The following MAGI2 variants were observed in gnomAD, a reference collection of about 807,000 sequenced individuals.
MAGI2 encodes membrane-associated guanylate kinase, WW and PDZ domain-containing protein 2.
In MAGI2, 35 loss-of-function variants were observed where a neutral mutation model predicts 133.3. The ratio of observed to expected loss-of-function variants is 0.26; its 90% CI spans 0.20 to 0.35. The LOEUF (loss-of-function observed/expected upper bound fraction) is 0.35. Among genes scored for constraint, MAGI2 ranks in the 10% least tolerant of loss-of-function variants. The pLI, the probability that MAGI2 is intolerant of heterozygous loss-of-function variation, is 1.00. For synonymous variants in MAGI2, 729 were observed against 710.6 expected, an observed-to-expected ratio of 1.03 and a Z score of -0.41; for missense variants, 1,636 against 1,863.4, an observed-to-expected ratio of 0.88 and a Z score of 2.25.
chr7:78,301,945 G>A (rs1797866745), intron 9 of MAGI2, among the ~76,000 whole-genome samples: 1 of 152,226 alleles, frequency 6.6e-6, no homozygotes, highest in African/African-American at 2.4e-5. Context: ...ATAACAGCAT[G>A]CCTATTGAAA....
At chr7:79,216,228 T>C (rs1022707633) in intron 1 of MAGI2, among the ~76,000 whole-genome samples, 1 of 151,842 alleles carries the variant, frequency 6.6e-6, no homozygotes, top group Non-Finnish European at 1.5e-5. Context: ...AAGGAGATTA[T>C]CCACTGGATG....
At position 78,501,604 on chromosome 7, in the gene MAGI2, G is replaced by A. The variant is rs769932767; in HGVS notation, c.938C>T (p.Thr313Ile). ...AATGAAGTAGACTTCGCCCTTCTCT[G>A]TATAGGCCATTTCCCAGTTATCAGG... is the stretch of plus-strand genomic sequence containing the variant. ...PLPDNWEMAY[T>I]EKGEVYFIDH... The change falls in exon 5 of 22, where the codon ACA (threonine) becomes ATA (isoleucine). Residue 313 changes from threonine to isoleucine, a missense_variant. Coordinates refer to ENST00000354212, the MANE Select transcript of MAGI2 (RefSeq NM_012301.4). The A allele has an allele frequency of 6.2e-7, 1 of 1,613,240 alleles. No individual in the cohort carries two copies. Among genetic ancestry groups the A allele is most frequent in the Non-Finnish European group, 8.5e-7 (1 of 1,179,966 alleles).
chr7:78,890,668 T>G (rs2151567709), intron 2 of MAGI2, among the ~76,000 whole-genome samples: 1 of 152,296 alleles, frequency 6.6e-6, no homozygotes, highest in African/African-American at 2.4e-5. Flanking sequence ...AAAGATATTC[T>G]TTGAAACCAA....
At chr7:79,094,394 A>G (rs1233500581) in intron 1 of MAGI2, among the ~76,000 whole-genome samples, 3 of 152,142 alleles carry the variant, frequency 2.0e-5, no homozygotes, top group African/African-American at 7.2e-5. Flanking sequence ...GCAGTTATTT[A>G]TTTCACTGAA....
chr7:79,436,936 G>A (rs1251308802), intron 1 of MAGI2, among the ~76,000 whole-genome samples: 1 of 152,116 alleles, frequency 6.6e-6, no homozygotes, highest in East Asian at 1.9e-4. Context: ...CAAAGCCATG[G>A]AATCAACCTA....
intron 2 of MAGI2, among the ~76,000 whole-genome samples, chr7:78,675,884 A>C (rs1476246203): frequency 6.6e-6 from 1 of 152,106 alleles, no homozygotes; most frequent in Non-Finnish European, 1.5e-5. Flanking sequence ...CCAAAACTCA[A>C]CTAGTGTTCC....
At chr7:78,927,786 T>C (rs1403179194) in intron 2 of MAGI2, among the ~76,000 whole-genome samples, 1 of 151,910 alleles carries the variant, frequency 6.6e-6, no homozygotes, top group Non-Finnish European at 1.5e-5. Context: ...TTCCTCCATT[T>C]CTGAATTTTG....
rs779365635 is a variant in MAGI2 at position 78,135,094 on chromosome 7, C to T, written c.2958G>A (p.Met986Ile). 80 of 1,614,012 alleles carry T rather than the reference C, an allele frequency of 5.0e-5. 1 individual carries two copies. In the South Asian group the frequency reaches 8.8e-4, roughly 18 times the overall value. The change falls in exon 17 of 22, where the codon ATG becomes ATA. Residue 986 changes from methionine (M) to isoleucine (I), a missense_variant. Transcript: ENST00000354212. The stretch of plus-strand genomic sequence containing the variant: ...TGAGCTTCACGATGTCAGCGTGAGG[C>T]ATGTTGATGATAGACTGGCCATTCA... ...LAVNGQSIIN[M>I]PHADIVKLIK...
At chr7:78,980,448 A>G (rs1804678640) in intron 2 of MAGI2, among the ~76,000 whole-genome samples, 1 of 151,850 alleles carries the variant, frequency 6.6e-6, no homozygotes, top group South Asian at 2.1e-4. Context: ...CAGTATCACC[A>G]GTATCAAGGC....
intron 1 of MAGI2, among the ~76,000 whole-genome samples, chr7:79,281,648 T>G (rs1172334070): frequency 2.0e-5 from 3 of 152,150 alleles, no homozygotes; most frequent in Non-Finnish European, 4.4e-5. Context: ...GCAGACATCT[T>G]TCAAAGGACG....
chr7:78,039,122 C>T (rs1234900713), intron 21 of MAGI2, among the ~76,000 whole-genome samples: 3 of 152,108 alleles, frequency 2.0e-5, no homozygotes, highest in African/African-American at 7.2e-5. Flanking sequence ...CTGAGATTTG[C>T]AGCTGGTTCA....
chr7:79,039,172 CTGA>C (rs1202607045), intron 1 of MAGI2, among the ~76,000 whole-genome samples: 1 of 152,046 alleles, frequency 6.6e-6, no homozygotes, highest in Non-Finnish European at 1.5e-5. Flanking sequence ...TTTATGAGAT[CTGA>C]TGGTTTTATA....
intron 3 of MAGI2, among the ~76,000 whole-genome samples, chr7:78,537,609 A>AT (rs1554464121): frequency 6.6e-6 from 1 of 151,948 alleles, no homozygotes; most frequent in East Asian, 1.9e-4. Flanking sequence ...GATGTTGAGG[A>AT]TTTTTTCATG....
intron 9 of MAGI2, among the ~76,000 whole-genome samples, chr7:78,294,508 T>C (rs1797034546): frequency 6.6e-6 from 1 of 152,166 alleles, no homozygotes; most frequent in Non-Finnish European, 1.5e-5. Flanking sequence ...TCTAGCACTG[T>C]AGGGGACTGA....
Position 78,178,023 on chromosome 7 carries a change from C to A in MAGI2, c.2391G>T (p.Glu797Asp), listed in dbSNP as rs771291344. ...GFGFRILGGD[E>D]PGQPILIGAV... ...AGATTCAACTTACAGGCTGTCCAGG[C>A]TCATCTCCCCCGAGGATTCTGAAGC... The change falls in exon 14 of 22, where the codon GAG becomes GAT. Residue 797 changes from glutamate to aspartate, a missense_variant. By Grantham distance (45) the Glu-to-Asp change is conservative. This residue lies in a region of MAGI2 where 920 missense variants were observed against 1,093.5 expected (regional missense o/e 0.84). Coordinates refer to ENST00000354212, the MANE Select transcript of MAGI2 (RefSeq NM_012301.4). The A allele has an allele frequency of 3.1e-6, 5 of 1,611,824 alleles. No homozygotes were observed. The African/African-American group carries it at 5.3e-5, about 17-fold the overall frequency.
chr7:78,260,573 TAAG>T (rs1793423741), intron 9 of MAGI2, among the ~76,000 whole-genome samples: 1 of 152,188 alleles, frequency 6.6e-6, no homozygotes, highest in South Asian at 2.1e-4. Flanking sequence ...TCCATAAAAA[TAAG>T]AAGATACATT....
chr7:79,138,893 G>A (rs181886105), intron 1 of MAGI2, among the ~76,000 whole-genome samples: 155 of 150,348 alleles, frequency 1.0e-3, no homozygotes, highest in African/African-American at 3.6e-3. Context: ...GTAGAATGGC[G>A]TGAACCCGGG....
At chr7:79,393,445 A>G (rs936336593) in intron 1 of MAGI2, among the ~76,000 whole-genome samples, 2 of 152,198 alleles carry the variant, frequency 1.3e-5, no homozygotes, top group Non-Finnish European at 2.9e-5. Flanking sequence ...TTAGAACTCT[A>G]TAACATTTTA....
At chr7:78,225,543 TACCA>T (rs757026289) in intron 10 of MAGI2, among the ~76,000 whole-genome samples, 23 of 152,092 alleles carry the variant, frequency 1.5e-4, no homozygotes, top group Non-Finnish European at 2.9e-4. Context: ...GATGGGGTTT[TACCA>T]GAAAAATGTT....
Sources: allele counts gnomAD v4.1 joint callset (sites outside exome capture counted in the v4.1 genomes callset), GRCh38; gene constraint gnomAD v4.1.1; regional missense constraint gnomAD v4.1.1; transcripts MANE v1.5; gene names NCBI Gene and HGNC (gene_info 2026-07-23, HGNC 2026-07-21).